ZNF91: variants seen among roughly 807,000 people sequenced by gnomAD.
ZNF91 encodes zinc finger protein 91 (HPF7, HTF10).
Under a neutral mutation model 12.6 loss-of-function variants are expected in ZNF91, and 7 were observed. The observed-to-expected ratio is 0.55, with a 90% CI of 0.31 to 1.04. The LOEUF (loss-of-function observed/expected upper bound fraction) is 1.04, where lower values mean the gene tolerates loss of function less well. Ranked by LOEUF, ZNF91 falls within the 50% of genes least tolerant of loss-of-function variation. The probability of loss-of-function intolerance (pLI) is 0.05; values close to 1 mark genes in which losing one functional copy is unlikely to be tolerated. For synonymous variants in ZNF91, 453 were observed against 462.6 expected, an observed-to-expected ratio of 0.98 and a Z score of 0.27; for missense variants, 1,217 against 1,385.4, an observed-to-expected ratio of 0.88 and a Z score of 1.93.
intron 1 of ZNF91, 85 bp from the exon 2 acceptor site, chr19:23,374,849 A>G (rs979689325): frequency 6.4e-7 from 1 of 1,572,398 alleles, no homozygotes; most frequent in Admixed American, 1.8e-5. Context: ...TCAGAAAGTG[A>G]CTAGAACTGG....
chr19:23,363,643 A>G (rs1968894805), intron 3 of ZNF91, among the ~76,000 whole-genome samples: 1 of 152,212 alleles, frequency 6.6e-6, no homozygotes. Context: ...ATCAAAGATT[A>G]TAATGTATAC....
intron 3 of ZNF91, chr19:23,339,418 A>G (rs534382167): frequency 1.3e-5 from 2 of 152,186 alleles, no homozygotes; most frequent in Admixed American, 6.5e-5. Flanking sequence ...CAGTAATACA[A>G]TAATAGTGGA....
chr19:23,363,248 A>T (rs1968882613), intron 3 of ZNF91, among the ~76,000 whole-genome samples: 1 of 152,220 alleles, frequency 6.6e-6, no homozygotes, highest in South Asian at 2.1e-4. Context: ...ATAGTAGCCC[A>T]TTCATTTTTA....
intron 3 of ZNF91, among the ~76,000 whole-genome samples, chr19:23,341,976 AG>A (rs1968134795): frequency 6.6e-6 from 1 of 152,204 alleles, no homozygotes; most frequent in African/African-American, 2.4e-5. Flanking sequence ...ATCACTAAAT[AG>A]GAAGTAGGAT....
chr19:23,327,954 TAAG>T (rs886756413), intron 1 of ZNF91: 1 of 152,220 alleles, frequency 6.6e-6, no homozygotes, highest in African/African-American at 2.4e-5. Flanking sequence ...TTCAAAAGCT[TAAG>T]GTTTCACAAC....
intron 1 of ZNF91, among the ~76,000 whole-genome samples, chr19:23,332,742 T>TGAA (rs1967947244): frequency 6.6e-6 from 1 of 152,182 alleles, no homozygotes; most frequent in Non-Finnish European, 1.5e-5. Context: ...CCTTCCCTTC[T>TGAA]GTGATGATCA....
intron 3 of ZNF91, among the ~76,000 whole-genome samples, chr19:23,346,085 T>C (rs1487096047): frequency 2.6e-5 from 4 of 152,160 alleles, no homozygotes; most frequent in African/African-American, 9.7e-5. Flanking sequence ...TGGCAGAAAC[T>C]GAACATGTTG....
intron 1 of ZNF91, among the ~76,000 whole-genome samples, chr19:23,394,085 T>A (rs1326050468): frequency 6.6e-6 from 1 of 152,140 alleles, no homozygotes; most frequent in Non-Finnish European, 1.5e-5. Flanking sequence ...GGAGGGGAAA[T>A]TGGCATTTGG....
intron 3 of ZNF91, among the ~76,000 whole-genome samples, chr19:23,373,374 ATATATATAT>A (rs1568395234): frequency 3.6e-4 from 31 of 86,534 alleles, no homozygotes; most frequent in African/African-American, 1.2e-3. Context: ...ATATATATAT[ATATATATAT>A]ATAAATAAAC....
chr19:23,341,057 T>A, intron 3 of ZNF91, among the ~76,000 whole-genome samples: 1 of 117,170 alleles, frequency 8.5e-6, no homozygotes, highest in African/African-American at 3.9e-5. Flanking sequence ...AAACTGCCAT[T>A]TTTTTTTTTT....
At chr19:23,374,300 C>A (rs1043939637) in intron 2 of ZNF91, among the ~76,000 whole-genome samples, 1 of 150,336 alleles carries the variant, frequency 6.7e-6, no homozygotes, top group Admixed American at 6.7e-5. Context: ...TCCCAGCACT[C>A]TGGGAGGCCA....
At chr19:23,329,527 G>T (rs1016281373) in intron 1 of ZNF91, among the ~76,000 whole-genome samples, 1 of 152,290 alleles carries the variant, frequency 6.6e-6, no homozygotes, top group African/African-American at 2.4e-5. Flanking sequence ...AGTTTATGTA[G>T]TAAACGGAAG....
At chr19:23,380,203 G>A (rs558602425) in intron 1 of ZNF91, 1 of 144,956 alleles carries the variant, frequency 6.9e-6, no homozygotes, top group Non-Finnish European at 1.5e-5. Flanking sequence ...AGGTTGCAGT[G>A]AGCCGAGATT....
chr19:23,338,330 CTT>C (rs770602707), downstream of ZNF91: 1 of 151,876 alleles, frequency 6.6e-6, no homozygotes, highest in Non-Finnish European at 1.5e-5. Flanking sequence ...TCAGCAGAAA[CTT>C]TACTGACCAG....
upstream of ZNF91, among the ~76,000 whole-genome samples, chr19:23,312,499 G>A (rs1318683493): frequency 1.3e-5 from 2 of 152,322 alleles, no homozygotes; most frequent in East Asian, 3.9e-4. Flanking sequence ...AGACACAGGT[G>A]AGGTTTTGTT....
At chr19:23,329,596 T>A (rs1028574390) in intron 1 of ZNF91, among the ~76,000 whole-genome samples, 1 of 152,140 alleles carries the variant, frequency 6.6e-6, no homozygotes, top group African/African-American at 2.4e-5. Context: ...CCAAAGAAAA[T>A]GATTCATTTT....
At position 23,360,714 on chromosome 19, in the gene ZNF91, T is replaced by A; in HGVS notation, c.2265A>T (p.Ser755=). The change falls in exon 4 of 4, where the codon TCA becomes TCT. Residue 755 remains serine (S), a synonymous_variant. Transcript: ENST00000300619. ...GAATTCTTTTATGTTTAGTAAGGCTTGAGGACCAGTTAAATGCTTTGCCAC... is the reference window on the plus strand; with the variant it reads ...GAATTCTTTTATGTTTAGTAAGGCTAGAGGACCAGTTAAATGCTTTGCCAC... ...EECGKAFNWS[S]SLTKHKRIHT... is the part of the protein sequence containing the mutation. 1 of 1,614,020 alleles carries A rather than the reference T, an allele frequency of 6.2e-7. No homozygotes were observed. The highest frequency in any genetic ancestry group is 8.5e-7 in the Non-Finnish European group (1 of 1,179,922).
At position 23,373,346 on chromosome 19, in the gene ZNF91, T is replaced by TTATATATA. The variant is rs200251921; in HGVS notation, c.253+388_253+395dup. ...GTTGCTTTTTGTAGATCATGTAATC[T>TTATATATA]TATATATATATATATATATATATAT... On this transcript the variant is annotated intron_variant, in intron 3 of 3. Transcript: ENST00000300619. Among the ~76,000 whole-genome samples, 226 of 85,688 alleles carry TTATATATA rather than the reference T, an allele frequency of 2.6e-3. 1 individual carries two copies. The highest frequency in any genetic ancestry group is 8.6e-3 in the Middle Eastern group (1 of 116). 56.2% of individuals were successfully genotyped at this position (85,688 alleles called of 152,430 possible).
chr19:23,326,869 G>C (rs1477742692), intron 1 of ZNF91: 1 of 152,184 alleles, frequency 6.6e-6, no homozygotes, highest in Non-Finnish European at 1.5e-5. Context: ...TCAGCTTAAA[G>C]AGAAAAGAAA....
Sources: allele counts gnomAD v4.1 joint callset (sites outside exome capture counted in the v4.1 genomes callset), GRCh38; gene constraint gnomAD v4.1.1; transcripts MANE v1.5; gene names NCBI Gene and HGNC (gene_info 2026-07-23, HGNC 2026-07-21).